Variants in EFCAB3 observed in about 807,000 individuals in gnomAD.
EFCAB3 encodes the protein EF-hand calcium binding domain 3.
In EFCAB3, 36 loss-of-function variants were observed where a neutral mutation model predicts 42.2. That is an observed-to-expected ratio of 0.85 (90% confidence interval 0.65 to 1.13). The LOEUF (loss-of-function observed/expected upper bound fraction) is 1.13. Among genes scored for constraint, EFCAB3 ranks in the 50% most tolerant of loss-of-function variants. The pLI is 0.00. For synonymous variants in EFCAB3, 170 were observed against 172.8 expected, an observed-to-expected ratio of 0.98 and a Z score of 0.13; for missense variants, 418 against 505.1, an observed-to-expected ratio of 0.83 and a Z score of 1.65.
At chr17:62,409,009 A>G (rs1370569026) in intron 8 of EFCAB3, among the ~76,000 whole-genome samples, 1 of 152,194 alleles carries the variant, frequency 6.6e-6, no homozygotes, top group Non-Finnish European at 1.5e-5. Flanking sequence ...ACTAAATGCC[A>G]CTGAATTGTT....
At chr17:62,406,418 T>C (rs988962473) in intron 6 of EFCAB3, 62 bp from the exon 7 acceptor site, 9 of 1,428,306 alleles carry the variant, frequency 6.3e-6, no homozygotes, top group African/African-American at 1.4e-5. Context: ...GCAACTTGAC[T>C]TTTTAAAATT....
chr17:62,374,584 A>C (rs545984813), intron 2 of EFCAB3, among the ~76,000 whole-genome samples: 1 of 152,136 alleles, frequency 6.6e-6, no homozygotes, highest in Non-Finnish European at 1.5e-5. Context: ...TTCTAAAATA[A>C]GTTTCTTATT....
At chr17:62,409,845 T>C (rs944145200) in intron 8 of EFCAB3, among the ~76,000 whole-genome samples, 27 of 152,096 alleles carry the variant, frequency 1.8e-4, no homozygotes, top group African/African-American at 6.5e-4. Flanking sequence ...AAACTATATG[T>C]TTATAGTTAT....
At chr17:62,415,718 CTG>C (rs1303713449) in intron 9 of EFCAB3, among the ~76,000 whole-genome samples, 1 of 152,172 alleles carries the variant, frequency 6.6e-6, no homozygotes, top group Non-Finnish European at 1.5e-5. Context: ...ATTGGCCCTC[CTG>C]TTATATCCCT....
At chr17:62,375,774 G>A (rs2070145552), upstream of EFCAB3, among the ~76,000 whole-genome samples, 2 of 152,148 alleles carry the variant, frequency 1.3e-5, no homozygotes, top group Non-Finnish European at 2.9e-5. Flanking sequence ...TATAAAGCCA[G>A]GAAGGCACAA....
At chr17:62,396,606 A>T (rs2070351720) in intron 6 of EFCAB3, among the ~76,000 whole-genome samples, 1 of 151,972 alleles carries the variant, frequency 6.6e-6, no homozygotes, top group Non-Finnish European at 1.5e-5. Flanking sequence ...TTAAAAAAAA[A>T]TTATAGCCAG....
chr17:62,413,466 A>T (rs535081304), intron 8 of EFCAB3, among the ~76,000 whole-genome samples: 2 of 152,222 alleles, frequency 1.3e-5, no homozygotes. Flanking sequence ...AATAATTACC[A>T]AAAGGACAGA....
At chr17:62,377,174 T>G (rs368963322), upstream of EFCAB3, among the ~76,000 whole-genome samples, 35 of 152,354 alleles carry the variant, frequency 2.3e-4, 1 homozygote, top group East Asian at 4.8e-3. Flanking sequence ...GGAAAGATAT[T>G]TCTTCTTTAT....
In EFCAB3 at chr17:62,391,821, G is replaced by C. The variant is rs561738618; in HGVS notation, c.152-1G>C. On this transcript the variant is annotated splice_acceptor_variant, in intron 3 of 9. Coordinates refer to ENST00000305286, the MANE Select transcript of EFCAB3 (RefSeq NM_173503.4). LOFTEE classifies it high-confidence loss of function. ...TGAATAACTTAATCCTATCTCCCCA[G>C]CTTTCCAAGATGCCTACAACTTCTT... 19 of 1,613,128 alleles carry C rather than the reference G, an allele frequency of 1.2e-5. No individual in the cohort carries two copies. In the Admixed American group the frequency reaches 1.3e-4, roughly 11 times the overall value.
chr17:62,413,937 G>A, intron 9 of EFCAB3, 83 bp downstream of exon 9: 3 of 1,408,712 alleles, frequency 2.1e-6, no homozygotes, highest in East Asian at 4.7e-5. Context: ...AAAACCAAGA[G>A]AATTTTTATC....
chr17:62,404,711 G>A (rs1335956752), intron 6 of EFCAB3, among the ~76,000 whole-genome samples: 2 of 152,102 alleles, frequency 1.3e-5, no homozygotes, highest in East Asian at 1.9e-4. Flanking sequence ...CAGGAGAATC[G>A]TTTGAACCCA....
At chr17:62,380,376 AAC>A (rs1342945792), upstream of EFCAB3, among the ~76,000 whole-genome samples, 1 of 152,198 alleles carries the variant, frequency 6.6e-6, no homozygotes, top group Non-Finnish European at 1.5e-5. Context: ...CTGAAATTCC[AAC>A]AGTGTCAAAA....
chr17:62,394,751 C>A (rs2070334609), intron 5 of EFCAB3, among the ~76,000 whole-genome samples: 1 of 152,136 alleles, frequency 6.6e-6, no homozygotes, highest in South Asian at 2.1e-4. Flanking sequence ...ACAAGTAGTA[C>A]TATAGTAATG....
At chr17:62,404,056 C>A (rs994683093) in intron 6 of EFCAB3, among the ~76,000 whole-genome samples, 1 of 152,138 alleles carries the variant, frequency 6.6e-6, no homozygotes, top group Non-Finnish European at 1.5e-5. Context: ...ACAGTTTCCC[C>A]CTTTGTGAGT....
At chr17:62,378,373 C>A (rs2070166893), upstream of EFCAB3, among the ~76,000 whole-genome samples, 1 of 152,076 alleles carries the variant, frequency 6.6e-6, no homozygotes, top group Non-Finnish European at 1.5e-5. Flanking sequence ...TAATTCAGTT[C>A]ATTGGGCTTT....
At chr17:62,402,947 A>T (rs2070416672) in intron 6 of EFCAB3, among the ~76,000 whole-genome samples, 1 of 152,140 alleles carries the variant, frequency 6.6e-6, no homozygotes, top group Non-Finnish European at 1.5e-5. Context: ...TAGGCTATTA[A>T]TTATTGCCTC....
chr17:62,404,454 C>T (rs1194032906), intron 6 of EFCAB3, among the ~76,000 whole-genome samples: 1 of 152,052 alleles, frequency 6.6e-6, no homozygotes, highest in Admixed American at 6.6e-5. Flanking sequence ...GCCTTGCACC[C>T]CTGTACTCCA....
chr17:62,414,413 C>T (rs1251918454), intron 9 of EFCAB3, among the ~76,000 whole-genome samples: 1 of 152,194 alleles, frequency 6.6e-6, no homozygotes, highest in East Asian at 1.9e-4. Context: ...AACCTAACTT[C>T]TTTCCTCTAT....
intron 6 of EFCAB3, among the ~76,000 whole-genome samples, chr17:62,401,106 A>T (rs879197064): frequency 6.6e-6 from 1 of 152,148 alleles, no homozygotes; most frequent in African/African-American, 2.4e-5. Context: ...GTATCTATTC[A>T]TATCCTTCAC....
Sources: allele counts gnomAD v4.1 joint callset (sites outside exome capture counted in the v4.1 genomes callset), GRCh38; gene constraint gnomAD v4.1.1; transcripts MANE v1.5; gene names NCBI Gene and HGNC (gene_info 2026-07-23, HGNC 2026-07-21).